The following MMEL1 variants were observed in gnomAD, a reference collection of about 807,000 sequenced individuals.
MMEL1 encodes the protein membrane metallo-endopeptidase-like 1.
In MMEL1, 98 loss-of-function variants were observed where a neutral mutation model predicts 117.1. The ratio of observed to expected loss-of-function variants is 0.84; its 90% confidence interval spans 0.71 to 0.99. The LOEUF is 0.99. MMEL1 is among the 50% of genes least tolerant of loss of function. The probability of loss-of-function intolerance (pLI) is 0.00; values close to 1 mark genes in which losing one functional copy is unlikely to be tolerated. For missense variants in MMEL1, 1,014 were observed against 1,049.1 expected, an observed-to-expected ratio of 0.97 and a Z score of 0.46; for synonymous variants, 390 against 415.1, an observed-to-expected ratio of 0.94 and a Z score of 0.74.
At chr1:2,617,344 G>A (rs185816295) in intron 2 of MMEL1, among the ~76,000 whole-genome samples, 2,938 of 150,024 alleles carry the variant, frequency 0.02, 43 homozygotes, top group Non-Finnish European at 0.028. Context: ...GGAGAATGGC[G>A]TGAACCCGGG....
chr1:2,621,048 G>C (rs751571567), intron 2 of MMEL1, among the ~76,000 whole-genome samples: 97 of 152,232 alleles, frequency 6.4e-4, no homozygotes, highest in Non-Finnish European at 9.1e-4. Context: ...ACTTTGGGAG[G>C]CTGAGGCAGG....
rs180749961 is a variant in MMEL1 at position 2,624,231 on chromosome 1, T to C, written c.154+5100A>G. ...GAGGATGCCCTCTGTGTCATAGGCA[T>C]CCAGACTGCTGAAGGCCAAGGCTGG... On this transcript the variant is annotated intron_variant, in intron 2 of 23. Coordinates refer to ENST00000378412, the MANE Select transcript of MMEL1 (RefSeq NM_033467.4). Among the ~76,000 whole-genome samples, 44 of 152,298 alleles carry C rather than the reference T, an allele frequency of 2.9e-4. 1 individual carries two copies. The East Asian group carries it at 4.4e-3, about 15-fold the overall frequency.
At position 2,593,831 on chromosome 1, in the gene MMEL1, T is replaced by G. The variant is rs1382421748; in HGVS notation, c.1850A>C (p.His617Pro). The change falls in exon 19 of 24, where the codon CAC becomes CCC. Residue 617 changes from histidine to proline, a missense_variant. Coordinates refer to ENST00000378412, the MANE Select transcript of MMEL1 (RefSeq NM_033467.4). ...IGMVIGHEIT[H>P]GFDDNGRNFD... The stretch of plus-strand genomic sequence containing the variant: ...CCGCTCACCATTGTCGTCAAAGCCG[T>G]GCGTGATCTCGTGCCCGATCACCAT... 1 of 1,610,194 alleles carries G rather than the reference T, an allele frequency of 6.2e-7. No individual in the cohort carries two copies. Among genetic ancestry groups the G allele is most frequent in the Admixed American group, 1.7e-5 (1 of 59,674 alleles).
intron 23 of MMEL1, chr1:2,591,352 G>C: frequency 1.7e-6 from 1 of 601,838 alleles, no homozygotes; most frequent in South Asian, 2.0e-5. Context: ...CCTGCGGTAG[G>C]CTCCCCCTTC....
In MMEL1 at chr1:2,612,505, G is replaced by A. The variant is rs1011820324; in HGVS notation, c.155-301C>T. 3.3e-5 allele frequency among the ~76,000 whole-genome samples: 5 copies of A among 152,110 alleles called. No individual in the cohort carries two copies. Among genetic ancestry groups the A allele is most frequent in the African/African-American group, 4.8e-5 (2 of 41,396 alleles). On this transcript the variant is annotated intron_variant, in intron 2 of 23. Coordinates refer to ENST00000378412, the MANE Select transcript of MMEL1 (RefSeq NM_033467.4). The surrounding 1 kb of genome is among the most constrained non-coding windows in gnomAD (Gnocchi z 5.4). Reference sequence around the variant, plus strand: ...GTCCCCGATGTGCCAGGGCCTAGAGGGGTCCTGAGGTGAGACCTTCCTCTT... The same window carrying A: ...GTCCCCGATGTGCCAGGGCCTAGAGAGGTCCTGAGGTGAGACCTTCCTCTT...
chr1:2,614,725 G>C (rs970605846), intron 2 of MMEL1, among the ~76,000 whole-genome samples: 1 of 151,898 alleles, frequency 6.6e-6, no homozygotes, highest in Non-Finnish European at 1.5e-5. Context: ...CCCAGCTCTT[G>C]GTTTCTGTTT....
intron 19 of MMEL1, 62 bp from the exon 20 acceptor site, chr1:2,593,028 G>T: frequency 6.3e-7 from 1 of 1,584,610 alleles, no homozygotes. Flanking sequence ...TGGCCCCACG[G>T]CAGCCACTGT....
intron 6 of MMEL1, among the ~76,000 whole-genome samples, chr1:2,607,609 T>C (rs1300296594): frequency 1.3e-5 from 2 of 152,064 alleles, no homozygotes; most frequent in Non-Finnish European, 2.9e-5. Context: ...GCGGAGATAG[T>C]CACTGTGGGA....
intron 22 of MMEL1, 90 bp downstream of exon 22, chr1:2,591,842 G>T (rs960080401): frequency 2.2e-6 from 3 of 1,334,888 alleles, no homozygotes; most frequent in African/African-American, 2.9e-5. Flanking sequence ...TTCCATGCTG[G>T]GCTCTGGTCC....
intron 6 of MMEL1, among the ~76,000 whole-genome samples, chr1:2,608,219 C>T (rs1033214850): frequency 2.0e-5 from 3 of 152,022 alleles, no homozygotes; most frequent in Admixed American, 6.6e-5. Flanking sequence ...CACAGTCAGG[C>T]GGAGGCTCCA....
intron 20 of MMEL1, 36 bp from the exon 21 acceptor site, chr1:2,592,756 C>T (rs774291217): frequency 6.2e-7 from 1 of 1,610,128 alleles, no homozygotes; most frequent in South Asian, 1.1e-5. Context: ...CAGCCCCGGC[C>T]CTGACTTCCC....
intron 2 of MMEL1, among the ~76,000 whole-genome samples, chr1:2,621,406 T>C (rs1645287005): frequency 6.6e-6 from 1 of 152,220 alleles, no homozygotes; most frequent in East Asian, 1.9e-4. Flanking sequence ...AATAAGGACC[T>C]TGGTCTCCAC....
chr1:2,608,424 C>A (rs1346169855), intron 6 of MMEL1, among the ~76,000 whole-genome samples: 1 of 151,948 alleles, frequency 6.6e-6, no homozygotes, highest in Non-Finnish European at 1.5e-5. Context: ...CCCCCCACAC[C>A]ACACACACAC....
Position 2,606,964 on chromosome 1 carries a change from C to CCGGCCTT in MMEL1, c.631+3_631+9dup, listed in dbSNP as rs778589133. ...TCTGTCTGTGAGGCTGCTGCCAGGCCCGGCCTTACCTACGGTCTCGTTCCA... is the reference window on the plus strand; with the variant it reads ...TCTGTCTGTGAGGCTGCTGCCAGGCCCGGCCTTCGGCCTTACCTACGGTCTCGTTCCA... On this transcript the variant is annotated intron_variant, in intron 7 of 23. Coordinates refer to ENST00000378412, the MANE Select transcript of MMEL1 (RefSeq NM_033467.4). 6.2e-7 allele frequency: 1 copy of CCGGCCTT among 1,610,698 alleles called. No individual in the cohort carries two copies. The highest frequency in any genetic ancestry group is 8.5e-7 in the Non-Finnish European group (1 of 1,179,168).
rs2100942912 is a variant in MMEL1 at position 2,606,304 on chromosome 1, G to T, written c.694C>A (p.Leu232Ile). 1 of 1,613,074 alleles carries T rather than the reference G, an allele frequency of 6.2e-7. No homozygotes were observed. The highest frequency in any genetic ancestry group is 2.2e-5 in the East Asian group (1 of 44,878). ...LMNSQFNRRV[L>I]IDLFIWNDDQ... ...TCGTTCCAGATGAAGAGGTCGATGA[G>T]GACGCGCCTGTTGAACTGTGAGTTC... Residue 232 changes from leucine (L) to isoleucine (I), a missense_variant, in exon 8 of 24, where the codon CTC becomes ATC. Physicochemically the swap from Leu to Ile is conservative, Grantham distance 5. Transcript: ENST00000378412.
chr1:2,590,970 A>G lies in MMEL1; in HGVS notation c.*20T>C, dbSNP rs1644679262. On this transcript the variant is annotated 3_prime_UTR_variant, in exon 24 of 24. Transcript: ENST00000378412. ...CGAGCAGCGGGTGGGCGTGGGCCGCACAGCGCGGCAGGGCCTTGGCTACCA... is the reference window on the plus strand; with the variant it reads ...CGAGCAGCGGGTGGGCGTGGGCCGCGCAGCGCGGCAGGGCCTTGGCTACCA... 3 of 1,522,348 alleles carry G rather than the reference A, an allele frequency of 2.0e-6. No individual in the cohort carries two copies. The highest frequency in any genetic ancestry group is 2.6e-6 in the Non-Finnish European group (3 of 1,132,690). The allele number at this position is 1,522,348 out of a possible 1,614,324, so 94.3% of individuals were successfully genotyped here. A position where few individuals can be genotyped will look rare whatever the true frequency, so the allele number is the denominator to read the frequency against.
At position 2,596,695 on chromosome 1, in the gene MMEL1, G is replaced by T. The variant is rs747653777; in HGVS notation, c.1273-6C>A. The T allele has an allele frequency of 1.2e-6, 2 of 1,610,304 alleles. No individual in the cohort carries two copies. The highest frequency in any genetic ancestry group is 1.3e-5 in the African/African-American group (1 of 75,028). On this transcript the variant is annotated splice_polypyrimidine_tract_variant and splice_region_variant and intron_variant, in intron 13 of 23. Transcript: ENST00000378412. ...ACCATTGTGCCAAACAGCGCCTGGT[G>T]GGGCCACCCGATCATCCCACGGGCC...
At position 2,596,683 on chromosome 1, in the gene MMEL1, A is replaced by T. The variant is rs1463529424; in HGVS notation, c.1279T>A (p.Phe427Ile). Residue 427 changes from phenylalanine to isoleucine, a missense_variant, in exon 14 of 24, where the codon TTT becomes ATT. Transcript: ENST00000378412. Reference protein sequence around the residue: ...DTRVNYRKALFGTMVEEVRWR... With the variant: ...DTRVNYRKALIGTMVEEVRWR... ...CGCACCTCCTCCACCATTGTGCCAA[A>T]CAGCGCCTGGTGGGGCCACCCGATC... is the stretch of plus-strand genomic sequence containing the variant. The T allele has an allele frequency of 6.2e-7, 1 of 1,612,492 alleles. No homozygotes were observed. The highest frequency in any genetic ancestry group is 8.5e-7 in the Non-Finnish European group (1 of 1,179,748).
At chr1:2,604,774 C>T (rs1383464808) in intron 9 of MMEL1, among the ~76,000 whole-genome samples, 2 of 152,174 alleles carry the variant, frequency 1.3e-5, no homozygotes, top group Non-Finnish European at 2.9e-5. Flanking sequence ...CTGGGCAGGG[C>T]TTCCCCAGTG....
Sources: gnomAD v4.1 joint callset for allele counts (sites outside exome capture counted in the v4.1 genomes callset) on GRCh38, gnomAD v4.1.1 for gene constraint, Gnocchi (gnomAD v3.1) non-coding constraint, MANE v1.5 for transcripts, NCBI Gene and HGNC (gene_info 2026-07-23, HGNC 2026-07-21) for gene names.